TPRG1: variants seen among roughly 807,000 people sequenced by gnomAD.
The protein encoded by TPRG1 is tumor protein p63-regulated gene 1 protein.
In TPRG1, 29 loss-of-function variants were observed where a neutral mutation model predicts 29.3. That is an observed-to-expected ratio of 0.99 (90% CI 0.74 to 1.35). The LOEUF is 1.35. Among genes scored for constraint, TPRG1 ranks in the 40% most tolerant of loss-of-function variants. The pLI is 0.00. For synonymous variants in TPRG1, 130 were observed against 116.8 expected (o/e 1.11, Z -0.73); for missense variants, 327 against 335.0 (o/e 0.98, Z 0.19).
At chr3:188,999,252 C>T (rs1335329865) in intron 1 of TPRG1, among the ~76,000 whole-genome samples, 3 of 152,074 alleles carry the variant, frequency 2.0e-5, no homozygotes, top group Non-Finnish European at 4.4e-5. Context: ...GATAACAGGA[C>T]TCCCTGTTGG....
intron 3 of TPRG1, among the ~76,000 whole-genome samples, chr3:189,139,684 A>C (rs1388390748): frequency 2.1e-5 from 3 of 144,472 alleles, no homozygotes; most frequent in African/African-American, 5.2e-5. Context: ...TTTTTTTTTC[A>C]AAAAAAAATG....
intron 1 of TPRG1, among the ~76,000 whole-genome samples, chr3:189,174,999 A>G (rs1049435531): frequency 6.6e-6 from 1 of 152,192 alleles, no homozygotes; most frequent in African/African-American, 2.4e-5. Flanking sequence ...TTCACCCACT[A>G]ATATAATAAT....
chr3:189,066,161 A>G (rs1217675013), intron 4 of TPRG1, among the ~76,000 whole-genome samples: 1 of 152,092 alleles, frequency 6.6e-6, no homozygotes, highest in Admixed American at 6.5e-5. Flanking sequence ...CAAGTAACAG[A>G]TCAATGCCAT....
intron 4 of TPRG1, among the ~76,000 whole-genome samples, chr3:189,296,910 A>C (rs576064007): frequency 6.6e-6 from 1 of 152,308 alleles, no homozygotes; most frequent in African/African-American, 2.4e-5. Flanking sequence ...CCACTAAATG[A>C]TAGAAACAGT....
At chr3:189,020,385 C>T (rs1266010484) in intron 3 of TPRG1, among the ~76,000 whole-genome samples, 1 of 151,838 alleles carries the variant, frequency 6.6e-6, no homozygotes, top group African/African-American at 2.4e-5. Context: ...ATAAATTTCC[C>T]TCTACACACT....
intron 4 of TPRG1, among the ~76,000 whole-genome samples, chr3:189,306,327 A>C (rs1232242180): frequency 6.6e-6 from 1 of 152,194 alleles, no homozygotes; most frequent in Admixed American, 6.5e-5. Context: ...TCTGAATGGA[A>C]GTTTTTCTGA....
At chr3:189,294,978 A>G (rs769765366) in intron 4 of TPRG1, among the ~76,000 whole-genome samples, 19 of 152,198 alleles carry the variant, frequency 1.2e-4, no homozygotes, top group Non-Finnish European at 2.9e-5. Context: ...CATAAGCTTT[A>G]GGACAATGCT....
intron 4 of TPRG1, among the ~76,000 whole-genome samples, chr3:189,060,339 C>T (rs1716021691): frequency 6.6e-6 from 1 of 152,184 alleles, no homozygotes; most frequent in African/African-American, 2.4e-5. Flanking sequence ...CAACATCATA[C>T]TGAATGGAGA....
intron 3 of TPRG1, among the ~76,000 whole-genome samples, chr3:189,011,069 G>A (rs924359407): frequency 6.6e-6 from 1 of 152,096 alleles, no homozygotes; most frequent in Non-Finnish European, 1.5e-5. Context: ...AGATCAGATG[G>A]TTATAGGTGT....
intron 4 of TPRG1, among the ~76,000 whole-genome samples, chr3:189,255,629 T>C (rs1385614143): frequency 1.3e-5 from 2 of 152,240 alleles, no homozygotes; most frequent in Non-Finnish European, 2.9e-5. Flanking sequence ...TCTGGTAGAA[T>C]TCGGCTGTGA....
chr3:189,112,984 G>A (rs1388706592), intron 1 of TPRG1, among the ~76,000 whole-genome samples: 6 of 152,200 alleles, frequency 3.9e-5, no homozygotes, highest in African/African-American at 4.8e-5. Flanking sequence ...CCATTTTCAC[G>A]ATATTGATTC....
chr3:189,173,637 G>C (rs1264861079), intron 1 of TPRG1, among the ~76,000 whole-genome samples: 3 of 152,068 alleles, frequency 2.0e-5, no homozygotes, highest in Non-Finnish European at 2.9e-5. Context: ...TCAAAACAGA[G>C]AAACTGAGGC....
At chr3:189,026,279 G>C (rs918748592) in intron 4 of TPRG1, among the ~76,000 whole-genome samples, 2 of 152,162 alleles carry the variant, frequency 1.3e-5, no homozygotes, top group Admixed American at 1.3e-4. Context: ...GAAAACGACA[G>C]AGAGAGAGAG....
chr3:189,311,273 C>T lies in TPRG1; in HGVS notation c.633+734C>T, dbSNP rs141498691. 9.2e-5 allele frequency among the ~76,000 whole-genome samples: 14 copies of T among 152,216 alleles called. No homozygotes were observed. In the East Asian group the frequency reaches 1.4e-3, roughly 15 times the overall value. ...ATAAAACCAAATATACATATGAGTGCGCTTATAGACCTAGAAATTCTTACC... is the reference window on the plus strand; with the variant it reads ...ATAAAACCAAATATACATATGAGTGTGCTTATAGACCTAGAAATTCTTACC... On this transcript the variant is annotated intron_variant, in intron 5 of 5. Transcript: ENST00000345063.
chr3:189,068,160 G>A (rs1423237890), intron 4 of TPRG1, among the ~76,000 whole-genome samples: 1 of 151,968 alleles, frequency 6.6e-6, no homozygotes, highest in Non-Finnish European at 1.5e-5. Context: ...ATCCAAAAGA[G>A]GCAATTGCTG....
intron 1 of TPRG1, among the ~76,000 whole-genome samples, chr3:189,193,210 A>G (rs1256326286): frequency 7.6e-6 from 1 of 131,030 alleles, no homozygotes; most frequent in Non-Finnish European, 1.5e-5. Flanking sequence ...ATTCCATTTC[A>G]CTGCAAACTT....
At chr3:189,304,756 G>C (rs912158217) in intron 4 of TPRG1, among the ~76,000 whole-genome samples, 1 of 152,174 alleles carries the variant, frequency 6.6e-6, no homozygotes, top group Non-Finnish European at 1.5e-5. Context: ...AAATAAGCAA[G>C]AGACTAACAT....
chr3:189,099,840 G>A (rs1375700900), upstream of TPRG1, among the ~76,000 whole-genome samples: 2 of 152,258 alleles, frequency 1.3e-5, no homozygotes, highest in East Asian at 3.9e-4. Flanking sequence ...CACATGTTGA[G>A]TTATCTAGTC....
At chr3:189,110,955 C>A (rs7653730) in intron 1 of TPRG1, among the ~76,000 whole-genome samples, 4 of 150,900 alleles carry the variant, frequency 2.7e-5, no homozygotes, top group African/African-American at 9.7e-5. Context: ...TCTTTAATAC[C>A]AACTGGTTTG....
Sources: allele counts gnomAD v4.1 joint callset (sites outside exome capture counted in the v4.1 genomes callset), GRCh38; gene constraint gnomAD v4.1.1; transcripts MANE v1.5; gene names NCBI Gene and HGNC (gene_info 2026-07-23, HGNC 2026-07-21).